CRACD: variants seen among roughly 807,000 people sequenced by gnomAD.
CRACD encodes capping protein-inhibiting regulator of actin dynamics.
In CRACD, 56 loss-of-function variants were observed where a neutral mutation model predicts 106.8. The observed-to-expected ratio is 0.52, with a 90% confidence interval of 0.42 to 0.66. The LOEUF (loss-of-function observed/expected upper bound fraction) is 0.66. Among genes scored for constraint, CRACD ranks in the 30% least tolerant of loss-of-function variants. The pLI is 0.00. For synonymous variants in CRACD, 754 were observed against 670.8 expected, an observed-to-expected ratio of 1.12 and a Z score of -1.92; for missense variants, 1,730 against 1,623.2, an observed-to-expected ratio of 1.07 and a Z score of -1.13.
chr4:56,058,774 C>G (rs1732173001), intron 1 of CRACD, among the ~76,000 whole-genome samples: 1 of 152,196 alleles, frequency 6.6e-6, no homozygotes, highest in African/African-American at 2.4e-5. Flanking sequence ...CTTTATGCAG[C>G]TTCTGCACTA....
intron 2 of CRACD, among the ~76,000 whole-genome samples, chr4:56,259,427 C>T (rs1415395377): frequency 6.6e-6 from 1 of 152,098 alleles, no homozygotes; most frequent in Non-Finnish European, 1.5e-5. Flanking sequence ...TAAGCTTGCC[C>T]TGTAGGGAGT....
At chr4:56,284,292 TAA>T (rs59270238) in intron 3 of CRACD, among the ~76,000 whole-genome samples, 12 of 45,474 alleles carry the variant, frequency 2.6e-4, no homozygotes, top group African/African-American at 8.3e-4. Context: ...CATCCTAAAG[TAA>T]AAAAAAAAAA....
At chr4:56,109,760 A>AGATACAGT (rs1353188468) in intron 1 of CRACD, among the ~76,000 whole-genome samples, 1 of 152,010 alleles carries the variant, frequency 6.6e-6, no homozygotes, top group Admixed American at 6.6e-5. Context: ...ACAGTTTGGA[A>AGATACAGT]GATACAGTGA....
chr4:56,163,166 G>A (rs1269187701), intron 1 of CRACD, among the ~76,000 whole-genome samples: 2 of 152,136 alleles, frequency 1.3e-5, no homozygotes, highest in South Asian at 2.1e-4. Flanking sequence ...CCAGGTAGAT[G>A]AGGAAAATGA....
chr4:56,052,375 C>T (rs1731907570), intron 1 of CRACD, among the ~76,000 whole-genome samples: 1 of 152,210 alleles, frequency 6.6e-6, no homozygotes, highest in South Asian at 2.1e-4. Context: ...AATGATTTCA[C>T]ATCCCATTAA....
Position 56,167,577 on chromosome 4 carries a change from A to C in CRACD, c.-335-11707A>C, listed in dbSNP as rs112165169. Among the ~76,000 whole-genome samples, 269 of 152,238 alleles carry C rather than the reference A, an allele frequency of 1.8e-3. 5 individuals are homozygous for C. Among genetic ancestry groups the C allele is most frequent in the African/African-American group, 6.1e-3 (253 of 41,552 alleles). On this transcript the variant is annotated intron_variant, in intron 1 of 10. Transcript: ENST00000682029. ...TCTGCTCTCTGCTTCTATGATTTGG[A>C]TCATGTTAGATTCCACATATAAGCA...
chr4:56,313,983 G>T (rs1745324256), intron 7 of CRACD, 57 bp from the exon 8 acceptor site: 1 of 1,557,594 alleles, frequency 6.4e-7, no homozygotes, highest in African/African-American at 1.4e-5. Context: ...ATAGGAAAAG[G>T]AACGACTGTG....
rs1412215549 is a variant in CRACD at position 56,316,071 on chromosome 4, C to T, written c.2569C>T (p.Arg857Cys). The T allele has an allele frequency of 4.3e-6, 7 of 1,614,140 alleles. No individual in the cohort carries two copies. Among genetic ancestry groups the T allele is most frequent in the South Asian group, 3.3e-5 (3 of 91,084 alleles). The part of the protein sequence containing the change: ...IKLRRTNYSL[R>C]FNCDQQAEQK... ...ATTGAGAAGGACCAACTATTCCTTGCGCTTCAACTGCGACCAACAGGCAGA... is the reference window on the plus strand; with the variant it reads ...ATTGAGAAGGACCAACTATTCCTTGTGCTTCAACTGCGACCAACAGGCAGA... The change falls in exon 8 of 11, where the codon CGC becomes TGC. Residue 857 changes from arginine (R) to cysteine (C), a missense_variant. Physicochemically the swap from Arg to Cys is radical, Grantham distance 180 (BLOSUM62 -3). Coordinates refer to ENST00000682029, the MANE Select transcript of CRACD (RefSeq NM_001393381.1).
chr4:56,330,343 A>G lies in CRACD; in HGVS notation c.*2539A>G, dbSNP rs1397584651. 1.3e-5 allele frequency among the ~76,000 whole-genome samples: 2 copies of G among 152,176 alleles called. No homozygotes were observed. Among genetic ancestry groups the G allele is most frequent in the African/African-American group, 4.8e-5 (2 of 41,450 alleles). ...AATTGTTTCTTACACAGACATTATT[A>G]CTATTAAATTATCATTTAGCCAGTT... On this transcript the variant is annotated 3_prime_UTR_variant, in exon 11 of 11. Coordinates refer to ENST00000682029, the MANE Select transcript of CRACD (RefSeq NM_001393381.1).
intron 5 of CRACD, chr4:56,308,697 C>T (rs1027904472): frequency 8.0e-5 from 77 of 967,392 alleles, no homozygotes; most frequent in Non-Finnish European, 9.1e-5. Context: ...ATTGTGACAC[C>T]TGGCACCCAC....
At chr4:56,284,882 C>T (rs1743248793) in intron 3 of CRACD, among the ~76,000 whole-genome samples, 1 of 152,074 alleles carries the variant, frequency 6.6e-6, no homozygotes, top group African/African-American at 2.4e-5. Flanking sequence ...CAAAAGGGAG[C>T]AAGAAAAGGT....
intron 1 of CRACD, among the ~76,000 whole-genome samples, chr4:56,049,574 G>A (rs912245999): frequency 5.3e-5 from 8 of 152,146 alleles, no homozygotes; most frequent in South Asian, 2.1e-4. Flanking sequence ...CCGGGAACTT[G>A]CGGAGAATAT....
intron 2 of CRACD, among the ~76,000 whole-genome samples, chr4:56,268,993 T>C (rs1742192321): frequency 6.6e-6 from 1 of 152,204 alleles, no homozygotes; most frequent in Admixed American, 6.5e-5. Context: ...CTATTTTTTG[T>C]AAACCATTTT....
intron 1 of CRACD, among the ~76,000 whole-genome samples, chr4:56,123,258 A>G (rs534178741): frequency 7.6e-4 from 115 of 152,312 alleles, no homozygotes; most frequent in African/African-American, 2.5e-3. Context: ...ATAACAAAGT[A>G]CCATAGTCTG....
chr4:56,062,030 C>T (rs1218813292), intron 1 of CRACD, among the ~76,000 whole-genome samples: 3 of 152,172 alleles, frequency 2.0e-5, no homozygotes, highest in East Asian at 1.9e-4. Flanking sequence ...ACAGTTTATT[C>T]GATGTCATGA....
At chr4:56,072,710 C>T (rs1418851750) in intron 1 of CRACD, among the ~76,000 whole-genome samples, 1 of 152,072 alleles carries the variant, frequency 6.6e-6, no homozygotes, top group African/African-American at 2.4e-5. Context: ...CACCCATCAA[C>T]CTGTCATCTA....
intron 3 of CRACD, among the ~76,000 whole-genome samples, chr4:56,284,737 C>A (rs200998278): frequency 6.6e-6 from 1 of 150,978 alleles, no homozygotes. Context: ...AAACAAAAAA[C>A]AAAAAAAAAG....
In CRACD at chr4:56,314,304, G is replaced by C; in HGVS notation, c.802G>C (p.Glu268Gln). 1.3e-6 allele frequency: 2 copies of C among 1,554,158 alleles called. No homozygotes were observed. Among genetic ancestry groups the C allele is most frequent in the Non-Finnish European group, 1.7e-6 (2 of 1,148,422 alleles). ...GCTTTGGGAAGAGAACAGAAGGCAG[G>C]AGCTCTTGGAGGAGGAGGGCGAGGG... ...RRLWEENRRQ[E>Q]LLEEEGEGQE... The change falls in exon 8 of 11, where the codon GAG (glutamate) becomes CAG (glutamine). Residue 268 changes from glutamate to glutamine, a missense_variant. This residue lies in a region of CRACD where 1,620 missense variants were observed against 1,481.6 expected (regional missense o/e 1.09). Transcript: ENST00000682029. The surrounding 1 kb of genome is among the most constrained non-coding windows in gnomAD (Gnocchi z 4.4).
intron 3 of CRACD, among the ~76,000 whole-genome samples, chr4:56,294,077 G>C (rs1036302287): frequency 6.6e-6 from 1 of 151,998 alleles, no homozygotes; most frequent in Non-Finnish European, 1.5e-5. Flanking sequence ...AATTTTAAAA[G>C]TAGCCAGGTA....
Sources: allele counts gnomAD v4.1 joint callset (sites outside exome capture counted in the v4.1 genomes callset), GRCh38; gene constraint gnomAD v4.1.1; regional missense constraint gnomAD v4.1.1; non-coding constraint Gnocchi (gnomAD v3.1); transcripts MANE v1.5; gene names NCBI Gene and HGNC (gene_info 2026-07-23, HGNC 2026-07-21).